The following CDK8 variants were observed in gnomAD, a reference collection of about 807,000 sequenced individuals.
CDK8 encodes cyclin-dependent kinase 8.
Under a neutral mutation model 71.5 loss-of-function variants are expected in CDK8, and 29 were observed. The observed-to-expected ratio is 0.41, with a 90% confidence interval of 0.30 to 0.55. CDK8 has a LOEUF of 0.55. Among genes scored for constraint, CDK8 ranks in the 20% least tolerant of loss-of-function variants. The pLI, the probability that CDK8 is intolerant of heterozygous loss-of-function variation, is 0.37. For missense variants in CDK8, 288 were observed against 572.6 expected (o/e 0.50, Z 5.07); for synonymous variants, 161 against 192.1 (o/e 0.84, Z 1.34).
In CDK8 at chr13:26,364,085, A is replaced by C. The variant is rs115182538; in HGVS notation, c.456+10205A>C. Reference sequence around the variant, plus strand: ...CTACTAGTAAGTGGAAAAATTGAGAAGCAAAGAGGCTAAATGACTTCATTA... The same window carrying C: ...CTACTAGTAAGTGGAAAAATTGAGACGCAAAGAGGCTAAATGACTTCATTA... On this transcript the variant is annotated intron_variant, in intron 4 of 12. Transcript: ENST00000381527. Among the ~76,000 whole-genome samples the C allele has an allele frequency of 2.7e-3, 406 of 152,328 alleles. 1 individual carries two copies. Among genetic ancestry groups the C allele is most frequent in the African/African-American group, 9.2e-3 (381 of 41,574 alleles).
At chr13:26,305,302 T>C (rs1187053281) in intron 1 of CDK8, among the ~76,000 whole-genome samples, 1 of 152,214 alleles carries the variant, frequency 6.6e-6, no homozygotes, top group Non-Finnish European at 1.5e-5. Flanking sequence ...ATTTCTGTTG[T>C]TTTTATTAAT....
rs550113874 is a variant in CDK8, at chr13:26,374,292, C to T, written c.457-8522C>T. Among the ~76,000 whole-genome samples the T allele has an allele frequency of 2.0e-5, 3 of 152,122 alleles. No individual in the cohort carries two copies. The East Asian group carries it at 5.8e-4, about 29-fold the overall frequency. ...AATAAAGAAGGGCCTTGCTCATTAT[C>T]GTCAGTAAGTAGGGAGAAGAATTTT... On this transcript the variant is annotated intron_variant, in intron 4 of 12. Coordinates refer to ENST00000381527, the MANE Select transcript of CDK8 (RefSeq NM_001260.3).
Position 26,368,941 on chromosome 13 carries a change from G to GT in CDK8, c.457-13864dup, listed in dbSNP as rs145937826. On this transcript the variant is annotated intron_variant, in intron 4 of 12. Coordinates refer to ENST00000381527, the MANE Select transcript of CDK8 (RefSeq NM_001260.3). ...AGTGGAACCAACACACTGTCATGATGTTTTTTTTTCATTCACTAGTAGATT... is the reference window on the plus strand; with the variant it reads ...AGTGGAACCAACACACTGTCATGATGTTTTTTTTTTCATTCACTAGTAGATT... Among the ~76,000 whole-genome samples, 176 of 149,744 alleles carry GT rather than the reference G, an allele frequency of 1.2e-3. 1 individual carries two copies. The highest frequency in any genetic ancestry group is 3.4e-3 in the African/African-American group (137 of 40,764).
In CDK8 at chr13:26,361,784, C is replaced by CTTTTTTTTTTTTTTTTTTTTTTTTTT. The variant is rs553508554; in HGVS notation, c.456+7908_456+7933dup. 4.7e-5 allele frequency among the ~76,000 whole-genome samples: 3 copies of CTTTTTTTTTTTTTTTTTTTTTTTTTT among 63,306 alleles called. 1 individual carries two copies. Among genetic ancestry groups the CTTTTTTTTTTTTTTTTTTTTTTTTTT allele is most frequent in the African/African-American group, 1.4e-4 (2 of 14,212 alleles). 41.5% of individuals were successfully genotyped at this position (63,306 alleles called of 152,430 possible). On this transcript the variant is annotated intron_variant, in intron 4 of 12. Coordinates refer to ENST00000381527, the MANE Select transcript of CDK8 (RefSeq NM_001260.3). Reference sequence around the variant, plus strand: ...TCTTTTTGTCTTTCTTTTCTTTTCCCTTTTTTTTTTTTTTTTTTTTTTTTT... The same window carrying CTTTTTTTTTTTTTTTTTTTTTTTTTT: ...TCTTTTTGTCTTTCTTTTCTTTTCCCTTTTTTTTTTTTTTTTTTTTTTTTTTTTTTTTTTTTTTTTTTTTTTTTTTT...
chr13:26,274,717 C>T (rs951459966), intron 1 of CDK8, among the ~76,000 whole-genome samples: 8 of 152,126 alleles, frequency 5.3e-5, no homozygotes, highest in African/African-American at 1.7e-4. Flanking sequence ...AAGTGTGAGC[C>T]ACCGCGTCTG....
intron 1 of CDK8, among the ~76,000 whole-genome samples, chr13:26,290,818 CAAAAA>C (rs796801354): frequency 3.3e-5 from 5 of 150,836 alleles, no homozygotes; most frequent in Middle Eastern, 3.2e-3. Context: ...AACAAACAAA[CAAAAA>C]AACAAATTCT....
chr13:26,382,849 T>G lies in CDK8; in HGVS notation c.492T>G (p.Pro164=), dbSNP rs1875295135. 6.2e-7 allele frequency: 1 copy of G among 1,601,416 alleles called. No homozygotes were observed. The highest frequency in any genetic ancestry group is 8.5e-7 in the Non-Finnish European group (1 of 1,175,780). The change falls in exon 5 of 13, where the codon CCT becomes CCG. Residue 164 remains proline, a synonymous_variant. Transcript: ENST00000381527. The part of the protein sequence containing the change: ...PANILVMGEG[P]ERGRVKIADM... Reference sequence around the variant, plus strand: ...ATATTTTAGTTATGGGTGAAGGTCCTGAGCGAGGAAGAGTAAAAATTGGTA... The same window carrying G: ...ATATTTTAGTTATGGGTGAAGGTCCGGAGCGAGGAAGAGTAAAAATTGGTA...
chr13:26,351,190 T>A (rs1444078775), intron 3 of CDK8, among the ~76,000 whole-genome samples: 1 of 152,186 alleles, frequency 6.6e-6, no homozygotes, highest in Non-Finnish European at 1.5e-5. Context: ...AACTGCTTTT[T>A]AAATGATATT....
rs1342433009 is a variant in CDK8 at position 26,269,830 on chromosome 13, A to G, written c.128+15061A>G. On this transcript the variant is annotated intron_variant, in intron 1 of 12. Transcript: ENST00000381527. Reference sequence around the variant, plus strand: ...GTACTATATTCTTGAAAAGTTTTGGAATAGAAGATAGCATTTGCTACTAGT... The same window carrying G: ...GTACTATATTCTTGAAAAGTTTTGGGATAGAAGATAGCATTTGCTACTAGT... Among the ~76,000 whole-genome samples the G allele has an allele frequency of 2.6e-5, 4 of 152,112 alleles. No homozygotes were observed. The East Asian group carries it at 5.8e-4, about 22-fold the overall frequency.
At chr13:26,273,682 A>G (rs7327847) in intron 1 of CDK8, among the ~76,000 whole-genome samples, 24,574 of 151,648 alleles carry the variant, frequency 0.16, 3,408 homozygotes, top group African/African-American at 0.38. Flanking sequence ...TATATATAGT[A>G]CTATTGGCTT....
At chr13:26,284,824 AAAAC>A (rs1872924284) in intron 1 of CDK8, among the ~76,000 whole-genome samples, 1 of 152,090 alleles carries the variant, frequency 6.6e-6, no homozygotes, top group South Asian at 2.1e-4. Flanking sequence ...AACAACAACA[AAAAC>A]AAAAAGAAGG....
intron 3 of CDK8, 116 bp downstream of exon 3, chr13:26,349,298 C>G (rs1873591490): frequency 1.5e-6 from 1 of 662,008 alleles, no homozygotes; most frequent in Non-Finnish European, 2.7e-6. Context: ...AAAGTAACCT[C>G]ATAGAGTGTG....
chr13:26,370,768 C>G (rs911767186), intron 4 of CDK8, among the ~76,000 whole-genome samples: 1 of 152,122 alleles, frequency 6.6e-6, no homozygotes, highest in Admixed American at 6.5e-5. Flanking sequence ...ATTAAAAGAG[C>G]CTTGATAAGA....
chr13:26,310,767 G>T lies in CDK8; in HGVS notation c.129-26800G>T, dbSNP rs140246720. ...TTATTGGTCTGAGGCCCTGGGGGTT[G>T]TGGACCTCTGCTCTACATTGTATTT... On this transcript the variant is annotated intron_variant, in intron 1 of 12. Transcript: ENST00000381527. 3.9e-3 allele frequency among the ~76,000 whole-genome samples: 597 copies of T among 152,256 alleles called. 7 individuals carry two copies. Among genetic ancestry groups the T allele is most frequent in the African/African-American group, 0.014 (563 of 41,536 alleles).
rs566026260 is a variant in CDK8, at chr13:26,365,771, G to A, written c.456+11891G>A. On this transcript the variant is annotated intron_variant, in intron 4 of 12. Coordinates refer to ENST00000381527, the MANE Select transcript of CDK8 (RefSeq NM_001260.3). ...ACAGCAGTGTGTTTCCAAAAACCTG[G>A]ACAGATAGGGAGACAAGAATTTTTC... Among the ~76,000 whole-genome samples the A allele has an allele frequency of 1.3e-3, 198 of 152,010 alleles. 1 individual carries two copies. The highest frequency in any genetic ancestry group is 4.6e-3 in the African/African-American group (191 of 41,502).
At chr13:26,387,363 A>T (rs1875529168) in intron 6 of CDK8, among the ~76,000 whole-genome samples, 1 of 152,218 alleles carries the variant, frequency 6.6e-6, no homozygotes, top group Admixed American at 6.5e-5. Flanking sequence ...TTTAAAAATC[A>T]GGTTACTAAA....
intron 4 of CDK8, chr13:26,359,564 C>G (rs1874043730): frequency 5.4e-6 from 1 of 186,142 alleles, no homozygotes. Context: ...GGTATCTGAA[C>G]TGTTTCTGAA....
At chr13:26,387,588 G>T (rs575974220) in intron 6 of CDK8, among the ~76,000 whole-genome samples, 4 of 152,260 alleles carry the variant, frequency 2.6e-5, no homozygotes, top group African/African-American at 9.6e-5. Context: ...GTAGGGAGGA[G>T]GATCAGCTCC....
chr13:26,367,445 C>T (rs1355359065), intron 4 of CDK8, among the ~76,000 whole-genome samples: 2 of 151,698 alleles, frequency 1.3e-5, no homozygotes, highest in Admixed American at 6.6e-5. Context: ...TTATAGTGGA[C>T]CTGAGATTTG....
Sources: gnomAD v4.1 joint callset for allele counts (sites outside exome capture counted in the v4.1 genomes callset) on GRCh38, gnomAD v4.1.1 for gene constraint, MANE v1.5 for transcripts, NCBI Gene and HGNC (gene_info 2026-07-23, HGNC 2026-07-21) for gene names.